Variants in MTUS2 observed in about 807,000 individuals in gnomAD.
MTUS2 encodes the protein microtubule associated scaffold protein 2, also known as microtubule-associated tumor suppressor candidate 2.
A neutral mutation model predicts 114.1 loss-of-function variants in MTUS2; 40 were observed. That is an observed-to-expected ratio of 0.35 (90% CI 0.27 to 0.46). The LOEUF (loss-of-function observed/expected upper bound fraction) is 0.46, where lower values mean the gene tolerates loss of function less well. MTUS2 is among the 20% of genes least tolerant of loss of function. The probability of loss-of-function intolerance (pLI) is 1.00; values close to 1 mark genes in which losing one functional copy is unlikely to be tolerated. For missense variants in MTUS2, 1,679 were observed against 1,705.4 expected (o/e 0.98, Z 0.27); for synonymous variants, 688 against 672.0 (o/e 1.02, Z -0.37).
intron 7 of MTUS2, among the ~76,000 whole-genome samples, chr13:29,332,621 G>A (rs1900838656): frequency 7.0e-6 from 1 of 142,318 alleles, no homozygotes; most frequent in Non-Finnish European, 1.5e-5. Flanking sequence ...GTTTGCTCTT[G>A]CTTCTCTAAT....
chr13:29,421,771 T>C (rs943950830), intron 8 of MTUS2, among the ~76,000 whole-genome samples: 2 of 151,976 alleles, frequency 1.3e-5, no homozygotes, highest in Non-Finnish European at 2.9e-5. Context: ...TCACTCCAAA[T>C]TGGAGGGTTG....
chr13:28,995,346 T>C (rs1215117515), intron 2 of MTUS2, among the ~76,000 whole-genome samples: 1 of 152,218 alleles, frequency 6.6e-6, no homozygotes, highest in African/African-American at 2.4e-5. Flanking sequence ...TGCCTCCAGC[T>C]TTGTTCTTTT....
intron 4 of MTUS2, among the ~76,000 whole-genome samples, chr13:29,090,477 G>T (rs1184853988): frequency 2.0e-5 from 3 of 152,182 alleles, no homozygotes; most frequent in African/African-American, 7.2e-5. Flanking sequence ...CACACCAGTG[G>T]AGTGACTGGG....
chr13:29,147,397 T>A (rs1289404297), intron 5 of MTUS2, among the ~76,000 whole-genome samples: 2 of 152,112 alleles, frequency 1.3e-5, no homozygotes, highest in African/African-American at 2.4e-5. Flanking sequence ...AAAGAAGGAT[T>A]TTGTATGTGC....
intron 8 of MTUS2, among the ~76,000 whole-genome samples, chr13:29,389,508 C>CGTGT (rs1233462818): frequency 1.4e-5 from 1 of 69,612 alleles, no homozygotes; most frequent in African/African-American, 4.9e-5. Flanking sequence ...TATGTATACA[C>CGTGT]GTGTGTGTAT....
rs142057035 is a variant in MTUS2, at chr13:29,108,793, TC to T, written c.2644+7825del. Among the ~76,000 whole-genome samples, 1,411 of 152,258 alleles carry T rather than the reference TC, an allele frequency of 9.3e-3. 23 individuals carry two copies. Among genetic ancestry groups the T allele is most frequent in the African/African-American group, 0.032 (1,339 of 41,532 alleles). ...GAAGAAAGACCTCATGCCCTGCAGGTCCTCTCCAGGCTGGCTCAGCACTACT... is the reference window on the plus strand; with the variant it reads ...GAAGAAAGACCTCATGCCCTGCAGGTCTCTCCAGGCTGGCTCAGCACTACT... On this transcript the variant is annotated intron_variant, in intron 5 of 15. Transcript: ENST00000612955.
At chr13:29,467,442 G>GC (rs1211255266) in intron 9 of MTUS2, among the ~76,000 whole-genome samples, 2 of 152,144 alleles carry the variant, frequency 1.3e-5, no homozygotes, top group African/African-American at 4.8e-5. Flanking sequence ...CCTTTCCACT[G>GC]CCCGGGCCTT....
intron 13 of MTUS2, 130 bp downstream of exon 13, chr13:29,497,466 C>T (rs1049894686): frequency 1.2e-4 from 90 of 738,734 alleles, no homozygotes; most frequent in African/African-American, 1.1e-4. Context: ...CAGCTGGTCA[C>T]GACCTCCCCT....
At chr13:29,218,966 T>G (rs1391819876) in intron 5 of MTUS2, among the ~76,000 whole-genome samples, 4 of 143,058 alleles carry the variant, frequency 2.8e-5, no homozygotes, top group Admixed American at 1.4e-4. Context: ...TTTTTTTTTT[T>G]GTCATATATA....
intron 5 of MTUS2, among the ~76,000 whole-genome samples, chr13:29,109,484 G>T (rs984795556): frequency 5.9e-5 from 9 of 152,166 alleles, no homozygotes; most frequent in African/African-American, 2.2e-4. Flanking sequence ...CTGATGAGAT[G>T]ACACAGTAGT....
chr13:29,503,191 C>A lies in MTUS2; in HGVS notation c.4095C>A (p.Ser1365Arg). The A allele has an allele frequency of 6.2e-7, 1 of 1,613,962 alleles. No individual in the cohort carries two copies. Among genetic ancestry groups the A allele is most frequent in the South Asian group, 1.1e-5 (1 of 91,078 alleles). ...GGCCCTCCTCTCCGGCCAGAGTCAG[C>A]ACAACACCCAGATGACGCCACTACA... The part of the protein sequence containing the change: ...SSGPSSPARV[S>R]TTPR Residue 1365 changes from serine (S) to arginine (R), a missense_variant, in exon 16 of 16, where the codon AGC (serine) becomes AGA (arginine). By Grantham distance (110) the Ser-to-Arg change is moderately radical. Around this residue, in one of 3 missense-constraint regions of MTUS2, gnomAD observed 822 missense variants for 899.7 expected, o/e 0.91. Coordinates refer to ENST00000612955, the MANE Select transcript of MTUS2 (RefSeq NM_001033602.4).
chr13:28,946,847 C>T (rs968961966), intron 2 of MTUS2, among the ~76,000 whole-genome samples: 6 of 152,106 alleles, frequency 3.9e-5, no homozygotes, highest in African/African-American at 1.2e-4. Flanking sequence ...CCACACCTGA[C>T]CAGTCACCAG....
intron 4 of MTUS2, among the ~76,000 whole-genome samples, chr13:29,065,427 T>C (rs576353987): frequency 6.6e-6 from 1 of 152,338 alleles, no homozygotes; most frequent in Non-Finnish European, 1.5e-5. Flanking sequence ...ATGTATGCCT[T>C]CTTTTGAGAA....
chr13:29,472,442 GGCAGCTGTGTTTCAT>G (rs1400952370), intron 9 of MTUS2, among the ~76,000 whole-genome samples: 1 of 152,190 alleles, frequency 6.6e-6, no homozygotes, highest in Non-Finnish European at 1.5e-5. Context: ...CGGGATCCCA[GGCAGCTGTGTTTCAT>G]GCAACCCACC....
chr13:28,844,091 A>G (rs952575263), intron 2 of MTUS2, among the ~76,000 whole-genome samples: 3 of 152,324 alleles, frequency 2.0e-5, no homozygotes, highest in East Asian at 1.9e-4. Context: ...TATTGCTTCA[A>G]TGTGCACATT....
At chr13:29,329,614 CTTTT>C (rs34216714) in intron 7 of MTUS2, among the ~76,000 whole-genome samples, 12 of 105,980 alleles carry the variant, frequency 1.1e-4, no homozygotes, top group African/African-American at 3.1e-4. Flanking sequence ...GTGCATGTGT[CTTTT>C]TTTTTTTTTT....
chr13:28,906,719 A>C (rs2935201), intron 2 of MTUS2, among the ~76,000 whole-genome samples: 2 of 150,972 alleles, frequency 1.3e-5, no homozygotes, highest in Non-Finnish European at 3.0e-5. Flanking sequence ...TGCTGAAAAA[A>C]ATGTATATTC....
chr13:29,025,642 T>A lies in MTUS2; in HGVS notation c.944T>A (p.Val315Asp). The A allele has an allele frequency of 6.2e-7, 1 of 1,613,974 alleles. No individual in the cohort carries two copies. The change falls in exon 3 of 16, where the codon GTT becomes GAT. Residue 315 changes from valine to aspartate, a missense_variant. Transcript: ENST00000612955. Reference sequence around the variant, plus strand: ...GAGGCCAAGCTGGATCTGAAATATGTTCCTCCCAGGAGAGTTGAACAGGAG... The same window carrying A: ...GAGGCCAAGCTGGATCTGAAATATGATCCTCCCAGGAGAGTTGAACAGGAG... ...KGEAKLDLKY[V>D]PPRRVEQEGK... is the part of the protein sequence containing the mutation.
intron 4 of MTUS2, among the ~76,000 whole-genome samples, chr13:29,082,225 C>T (rs1173848653): frequency 6.6e-6 from 1 of 152,318 alleles, no homozygotes; most frequent in African/African-American, 2.4e-5. Context: ...CCTGACCATG[C>T]TGGCACCCTG....
Sources: allele counts gnomAD v4.1 joint callset (sites outside exome capture counted in the v4.1 genomes callset), GRCh38; gene constraint gnomAD v4.1.1; regional missense constraint gnomAD v4.1.1; transcripts MANE v1.5; gene names NCBI Gene and HGNC (gene_info 2026-07-23, HGNC 2026-07-21).